The following TMEM45B variants were observed in gnomAD, a reference collection of about 807,000 sequenced individuals.
The protein encoded by TMEM45B is transmembrane protein 45B.
In TMEM45B, 29 loss-of-function variants were observed where a neutral mutation model predicts 27.3. The ratio of observed to expected loss-of-function variants is 1.06; its 90% CI spans 0.79 to 1.45. TMEM45B has a LOEUF of 1.45. TMEM45B is among the 40% of genes most tolerant of loss of function. The pLI, the probability that TMEM45B is intolerant of heterozygous loss-of-function variation, is 0.00. For synonymous variants in TMEM45B, 143 were observed against 134.7 expected (o/e 1.06, Z -0.43); for missense variants, 348 against 343.9 (o/e 1.01, Z -0.09).
chr11:129,845,954 C>T (rs1947755317), intron 1 of TMEM45B, among the ~76,000 whole-genome samples: 1 of 152,090 alleles, frequency 6.6e-6, no homozygotes, highest in Non-Finnish European at 1.5e-5. Context: ...GTGCAGAATG[C>T]CCCAGGAGGA....
chr11:129,843,092 A>G (rs1188105694), intron 1 of TMEM45B, among the ~76,000 whole-genome samples: 1 of 152,214 alleles, frequency 6.6e-6, no homozygotes, highest in Non-Finnish European at 1.5e-5. Context: ...GGCATGCGCC[A>G]CCACGGCTGG....
intron 1 of TMEM45B, among the ~76,000 whole-genome samples, chr11:129,848,672 C>G (rs1450683366): frequency 2.0e-5 from 3 of 152,206 alleles, no homozygotes; most frequent in African/African-American, 7.2e-5. Flanking sequence ...GAATGCTTTA[C>G]ATTCCGGGGT....
At chr11:129,854,477 T>G in intron 2 of TMEM45B, 133 bp from the exon 3 acceptor site, 1 of 772,254 alleles carries the variant, frequency 1.3e-6, no homozygotes, top group Non-Finnish European at 2.2e-6. Context: ...GGCAGCAAAG[T>G]AGCTCTGCTG....
chr11:129,817,264 T>C (rs906703677), intron 1 of TMEM45B, among the ~76,000 whole-genome samples: 4 of 152,226 alleles, frequency 2.6e-5, no homozygotes, highest in Admixed American at 6.5e-5. Context: ...ATATCTTCAG[T>C]ATAACCTGGA....
intron 1 of TMEM45B, among the ~76,000 whole-genome samples, chr11:129,840,428 G>A (rs1947675555): frequency 6.6e-6 from 1 of 152,202 alleles, no homozygotes; most frequent in African/African-American, 2.4e-5. Flanking sequence ...GCAGGGAGGA[G>A]GGAAGCCGGT....
chr11:129,847,091 G>A (rs539659432), intron 1 of TMEM45B, among the ~76,000 whole-genome samples: 1 of 152,278 alleles, frequency 6.6e-6, no homozygotes, highest in African/African-American at 2.4e-5. Flanking sequence ...TAGCAGGGTG[G>A]GGAAGAGGGA....
chr11:129,822,398 C>T (rs188433522), intron 1 of TMEM45B, among the ~76,000 whole-genome samples: 198 of 152,252 alleles, frequency 1.3e-3, no homozygotes, highest in South Asian at 2.3e-3. Context: ...GGATGGTGTG[C>T]GTCATCTGTG....
intron 1 of TMEM45B, among the ~76,000 whole-genome samples, chr11:129,839,471 T>TAA (rs915438792): frequency 2.6e-5 from 4 of 152,008 alleles, no homozygotes; most frequent in African/African-American, 9.6e-5. Flanking sequence ...ATGTGAAATT[T>TAA]AAAAAAAAGG....
At chr11:129,816,741 T>TG (rs1268690156) in intron 1 of TMEM45B, among the ~76,000 whole-genome samples, 2 of 134,984 alleles carry the variant, frequency 1.5e-5, no homozygotes, top group African/African-American at 2.8e-5. Context: ...TCTTTTTTTT[T>TG]TTTTTTTTTT....
chr11:129,836,538 C>T (rs1947622258), intron 1 of TMEM45B, among the ~76,000 whole-genome samples: 1 of 152,078 alleles, frequency 6.6e-6, no homozygotes, highest in Non-Finnish European at 1.5e-5. Context: ...TCTCCCAGTA[C>T]CTCAGGATGT....
chr11:129,853,825 G>A (rs1305698210), intron 2 of TMEM45B, among the ~76,000 whole-genome samples: 1 of 152,196 alleles, frequency 6.6e-6, no homozygotes, highest in African/African-American at 2.4e-5. Context: ...AAGTATCTGG[G>A]AAACGGAGTC....
intron 2 of TMEM45B, chr11:129,852,976 A>G (rs1199670169): frequency 4.6e-6 from 1 of 216,724 alleles, no homozygotes; most frequent in Middle Eastern, 1.6e-3. Context: ...AAAAAACAAA[A>G]TAGATTAGGC....
rs151103658 is a variant in TMEM45B at position 129,855,832 on chromosome 11, C to T, written c.510C>T (p.His170=). The change falls in exon 4 of 6, where the codon CAC becomes CAT. Residue 170 remains histidine (H), a synonymous_variant. Coordinates refer to ENST00000281441, the MANE Select transcript of TMEM45B (RefSeq NM_138788.5). ...SISLEVIFRD[H]IVLELFRTSL... ...CCCTAGAGGTGATCTTCCGGGACCACATTGTGCTGGAACTTTTCCGAACCA... is the reference window on the plus strand; with the variant it reads ...CCCTAGAGGTGATCTTCCGGGACCATATTGTGCTGGAACTTTTCCGAACCA... 1.4e-4 allele frequency: 228 copies of T among 1,614,056 alleles called. No homozygotes were observed. The highest frequency in any genetic ancestry group is 1.8e-4 in the Non-Finnish European group (211 of 1,180,052).
chr11:129,848,331 C>T (rs1256577530), intron 1 of TMEM45B, among the ~76,000 whole-genome samples: 1 of 152,156 alleles, frequency 6.6e-6, no homozygotes, highest in Non-Finnish European at 1.5e-5. Context: ...GCCAACACAG[C>T]GAAACCCCGT....
intron 5 of TMEM45B, among the ~76,000 whole-genome samples, chr11:129,857,768 C>T (rs954965578): frequency 9.9e-5 from 15 of 152,134 alleles, no homozygotes; most frequent in African/African-American, 3.1e-4. Flanking sequence ...GCAGTCCCCA[C>T]GTAAAGGGTT....
intron 1 of TMEM45B, among the ~76,000 whole-genome samples, chr11:129,847,347 T>C (rs891301851): frequency 2.6e-5 from 4 of 152,158 alleles, no homozygotes; most frequent in African/African-American, 9.7e-5. Context: ...TCACTATAAG[T>C]CTTTCATACG....
chr11:129,858,851 C>A lies in TMEM45B; in HGVS notation c.*166C>A. 1 of 503,664 alleles carries A rather than the reference C, an allele frequency of 2.0e-6. No homozygotes were observed. The highest frequency in any genetic ancestry group is 2.6e-5 in the South Asian group (1 of 38,998). The allele number at this position is 503,664 out of a possible 1,614,324, so 31.2% of individuals were successfully genotyped here. A position where few individuals can be genotyped will look rare whatever the true frequency, so the allele number is the denominator to read the frequency against. ...CTACAACAGGAAATCAGGCCTACAG[C>A]ATCCTGTGTATCTTGCAGTTGGGAT... On this transcript the variant is annotated 3_prime_UTR_variant, in exon 6 of 6. Coordinates refer to ENST00000281441, the MANE Select transcript of TMEM45B (RefSeq NM_138788.5).
In TMEM45B at chr11:129,858,725, GGAAT is replaced by G. The variant is rs1565376577; in HGVS notation, c.*46_*49del. The G allele has an allele frequency of 6.3e-6, 9 of 1,437,998 alleles. No homozygotes were observed. Among genetic ancestry groups the G allele is most frequent in the South Asian group, 3.7e-5 (3 of 81,104 alleles). 89.1% of individuals were successfully genotyped at this position (1,437,998 alleles called of 1,614,324 possible). ...GGCGCAGATGTCCCACTGCACAGCT[GGAAT>G]GAATGGAGTTCATCCCCTCCACCTG... On this transcript the variant is annotated 3_prime_UTR_variant, in exon 6 of 6. Coordinates refer to ENST00000281441, the MANE Select transcript of TMEM45B (RefSeq NM_138788.5).
chr11:129,818,587 C>G (rs1947379891), intron 1 of TMEM45B, among the ~76,000 whole-genome samples: 1 of 152,216 alleles, frequency 6.6e-6, no homozygotes, highest in Non-Finnish European at 1.5e-5. Context: ...ACATTCCTTC[C>G]AGAATACCAC....
Sources: allele counts gnomAD v4.1 joint callset (sites outside exome capture counted in the v4.1 genomes callset), GRCh38; gene constraint gnomAD v4.1.1; transcripts MANE v1.5; gene names NCBI Gene and HGNC (gene_info 2026-07-23, HGNC 2026-07-21).